OR2C1: variants seen among roughly 807,000 people sequenced by gnomAD.
OR2C1 encodes the protein olfactory receptor family 2 subfamily C member 1, also known as olfactory receptor 2C1.
For missense variants in OR2C1, 468 were observed against 388.3 expected, an observed-to-expected ratio of 1.21 and a Z score of -1.73; for synonymous variants, 209 against 167.3, an observed-to-expected ratio of 1.25 and a Z score of -1.92.
chr16:3,348,289 A>G, the OR2C1 span, among the ~76,000 whole-genome samples: 1 of 152,230 alleles, frequency 6.6e-6, no homozygotes, highest in South Asian at 2.1e-4. Flanking sequence ...CAATGATGAC[A>G]GTGAGCACAG....
chr16:3,329,136 C>T, the OR2C1 span, among the ~76,000 whole-genome samples: 8,827 of 142,660 alleles, frequency 0.062, 413 homozygotes, highest in East Asian at 0.31. Context: ...AGAGGAACAC[C>T]TCTAGAAGGC....
At chr16:3,348,879 G>C in the OR2C1 span, among the ~76,000 whole-genome samples, 1 of 151,908 alleles carries the variant, frequency 6.6e-6, no homozygotes, top group Non-Finnish European at 1.5e-5. Context: ...CTGATTTGTG[G>C]TTTATGTTGG....
the OR2C1 span, among the ~76,000 whole-genome samples, chr16:3,324,468 A>G: frequency 1.3e-5 from 2 of 152,172 alleles, no homozygotes; most frequent in African/African-American, 2.4e-5. Flanking sequence ...GGCAAAGGCC[A>G]TTGAGTTGAA....
At chr16:3,347,776 G>A in the OR2C1 span, among the ~76,000 whole-genome samples, 3 of 151,288 alleles carry the variant, frequency 2.0e-5, no homozygotes, top group African/African-American at 7.3e-5. Flanking sequence ...GAACACACAT[G>A]CACACACGCA....
At chr16:3,352,542 A>C (rs113188640), upstream of OR2C1, among the ~76,000 whole-genome samples, 1 of 152,140 alleles carries the variant, frequency 6.6e-6, no homozygotes. Context: ...TAAATTTACT[A>C]TTAACTATGT....
upstream of OR2C1, among the ~76,000 whole-genome samples, chr16:3,353,155 C>T (rs562550351): frequency 7.9e-5 from 12 of 151,784 alleles, no homozygotes; most frequent in East Asian, 1.7e-3. Context: ...GCTGATTATC[C>T]GGTTAGTAAC....
chr16:3,332,811 C>A, the OR2C1 span, among the ~76,000 whole-genome samples: 1 of 151,866 alleles, frequency 6.6e-6, no homozygotes, highest in East Asian at 1.9e-4. Flanking sequence ...CACATTATGG[C>A]TTTTATGAAT....
the OR2C1 span, among the ~76,000 whole-genome samples, chr16:3,349,720 G>A: frequency 2.0e-5 from 3 of 152,012 alleles, no homozygotes; most frequent in Non-Finnish European, 2.9e-5. Context: ...AAAAGGGAGA[G>A]TGTTAAATAG....
upstream of OR2C1, among the ~76,000 whole-genome samples, chr16:3,355,128 A>T (rs1033983998): frequency 6.6e-6 from 1 of 151,906 alleles, no homozygotes; most frequent in Non-Finnish European, 1.5e-5. Flanking sequence ...CAACTTTTCC[A>T]TTCGGTGTGT....
downstream of OR2C1, among the ~76,000 whole-genome samples, chr16:3,357,663 C>T (rs1252646655): frequency 2.6e-5 from 4 of 152,164 alleles, no homozygotes; most frequent in Non-Finnish European, 2.9e-5. Flanking sequence ...TGTGATCTAC[C>T]GCACCTGGCC....
the OR2C1 span, among the ~76,000 whole-genome samples, chr16:3,348,957 G>A: frequency 6.6e-6 from 1 of 152,076 alleles, no homozygotes; most frequent in African/African-American, 2.4e-5. Flanking sequence ...AAGGATGACA[G>A]CTCTCAGATT....
upstream of OR2C1, among the ~76,000 whole-genome samples, chr16:3,351,785 T>TG (rs555850613): frequency 2.0e-5 from 3 of 152,322 alleles, no homozygotes; most frequent in South Asian, 6.2e-4. Context: ...GATGTAACCT[T>TG]GAGAGCTACT....
chr16:3,346,737 T>C, the OR2C1 span, among the ~76,000 whole-genome samples: 1 of 149,834 alleles, frequency 6.7e-6, no homozygotes, highest in African/African-American at 2.4e-5. Flanking sequence ...TCAATCAATT[T>C]TCCTGCCTCA....
chr16:3,346,144 T>C, the OR2C1 span, among the ~76,000 whole-genome samples: 1 of 152,130 alleles, frequency 6.6e-6, no homozygotes, highest in African/African-American at 2.4e-5. Context: ...TGATTTTTCT[T>C]CATAACATTT....
chr16:3,348,699 A>C, the OR2C1 span, among the ~76,000 whole-genome samples: 1 of 152,124 alleles, frequency 6.6e-6, no homozygotes, highest in East Asian at 1.9e-4. Context: ...CCACCCTTAG[A>C]GTGTCTTGAA....
chr16:3,324,418 G>C, the OR2C1 span, among the ~76,000 whole-genome samples: 1 of 152,140 alleles, frequency 6.6e-6, no homozygotes, highest in African/African-American at 2.4e-5. Context: ...TCGAACTCCT[G>C]AGCTCAGGCA....
At position 3,356,331 on chromosome 16, in the gene OR2C1, C is replaced by T. The variant is rs750556742; in HGVS notation, c.391C>T (p.Arg131Cys). Residue 131 changes from arginine (R) to cysteine (C), a missense_variant, in exon 1 of 1, where the codon CGC becomes TGC. Arg to Cys is a radical substitution (Grantham distance 180). Transcript: ENST00000304936. ...CTACGTGGCAGTGTGCCGGCCCCTC[C>T]GCTACACCGCCATCATGAACCCCCA... The part of the protein sequence containing the change: ...DRYVAVCRPL[R>C]YTAIMNPQLC... 20 of 1,613,158 alleles carry T rather than the reference C, an allele frequency of 1.2e-5. No individual in the cohort carries two copies. Among genetic ancestry groups the T allele is most frequent in the Admixed American group, 1.0e-4 (6 of 59,998 alleles).
chr16:3,354,514 A>T (rs114036919), upstream of OR2C1, among the ~76,000 whole-genome samples: 1,372 of 152,182 alleles, frequency 9.0e-3, 21 homozygotes, highest in African/African-American at 0.031. Context: ...CCTCCTCTTA[A>T]ATTGTACATT....
the OR2C1 span, among the ~76,000 whole-genome samples, chr16:3,328,498 A>G: frequency 2.7e-3 from 412 of 152,312 alleles, 4 homozygotes; most frequent in African/African-American, 9.1e-3. Context: ...TTTATTGGTC[A>G]CTTTTTATGT....
Sources: gnomAD v4.1 joint callset for allele counts (sites outside exome capture counted in the v4.1 genomes callset) on GRCh38, gnomAD v4.1.1 for gene constraint, MANE v1.5 for transcripts, NCBI Gene and HGNC (gene_info 2026-07-23, HGNC 2026-07-21) for gene names.